The following MME variants were observed in gnomAD, a reference collection of about 807,000 sequenced individuals.
MME encodes membrane metalloendopeptidase, also known as neprilysin.
Under a neutral mutation model 113.2 loss-of-function variants are expected in MME, and 98 were observed. The ratio of observed to expected loss-of-function variants is 0.87; its 90% CI spans 0.74 to 1.02. MME has a LOEUF of 1.02. MME is among the 50% of genes least tolerant of loss of function. MME has a pLI of 0.00. For missense variants in MME, 836 were observed against 896.0 expected (o/e 0.93, Z 0.86); for synonymous variants, 292 against 300.6 (o/e 0.97, Z 0.30).
intron 10 of MME, 74 bp from the exon 11 acceptor site, chr3:155,141,917 T>C: frequency 6.5e-7 from 1 of 1,533,340 alleles, no homozygotes; most frequent in Non-Finnish European, 9.0e-7. Flanking sequence ...TCCAACCCTC[T>C]AACTATAACT....
rs1272482116 is a variant in MME at position 155,116,493 on chromosome 3, C to T, written c.373C>T (p.Pro125Ser). ...EVVLKDVLQE[P>S]KTEDIVAVQK... ...TCCTATTTCAGATGTCCTTCAAGAACCCAAAACTGAAGATATAGTAGCAGT... is the reference window on the plus strand; with the variant it reads ...TCCTATTTCAGATGTCCTTCAAGAATCCAAAACTGAAGATATAGTAGCAGT... The change falls in exon 5 of 23, where the codon CCC becomes TCC. Residue 125 changes from proline to serine, a missense_variant. Physicochemically the swap from Pro to Ser is moderately conservative, Grantham distance 74. Coordinates refer to ENST00000360490, the MANE Select transcript of MME (RefSeq NM_007289.4). The T allele has an allele frequency of 2.5e-6, 4 of 1,611,418 alleles. No individual in the cohort carries two copies. Among genetic ancestry groups the T allele is most frequent in the Non-Finnish European group, 8.5e-7 (1 of 1,178,020 alleles).
At chr3:155,170,727 C>G (rs540730031) in intron 20 of MME, among the ~76,000 whole-genome samples, 1 of 152,150 alleles carries the variant, frequency 6.6e-6, no homozygotes, top group South Asian at 2.1e-4. Context: ...TAGCTTTCTC[C>G]TCTTTAGTAA....
chr3:155,064,944 A>G (rs1219199801), intron 1 of MME, among the ~76,000 whole-genome samples: 1 of 152,130 alleles, frequency 6.6e-6, no homozygotes, highest in Non-Finnish European at 1.5e-5. Flanking sequence ...TCACATGGCC[A>G]TATTATCCCC....
chr3:155,054,004 AG>A (rs1713846950), intron 1 of MME, among the ~76,000 whole-genome samples: 1 of 152,192 alleles, frequency 6.6e-6, no homozygotes, highest in Non-Finnish European at 1.5e-5. Context: ...TGCGTGTCCC[AG>A]TGGTCCACAG....
chr3:155,116,852 T>A lies in MME; in HGVS notation c.536-16T>A, dbSNP rs762834247. On this transcript the variant is annotated splice_polypyrimidine_tract_variant and intron_variant, in intron 6 of 22. Transcript: ENST00000360490. Reference sequence around the variant, plus strand: ...CTAAAGCTTCTAAAGATATATTTTATCTTTTATTGCTTTAGGTGCTTCTTG... The same window carrying A: ...CTAAAGCTTCTAAAGATATATTTTAACTTTTATTGCTTTAGGTGCTTCTTG... 1 of 1,570,722 alleles carries A rather than the reference T, an allele frequency of 6.4e-7. No homozygotes were observed. The highest frequency in any genetic ancestry group is 8.8e-7 in the Non-Finnish European group (1 of 1,141,000).
At chr3:155,057,328 C>CA (rs1713966346) in intron 1 of MME, among the ~76,000 whole-genome samples, 1 of 151,624 alleles carries the variant, frequency 6.6e-6, no homozygotes, top group Non-Finnish European at 1.5e-5. Context: ...TTTATGCAGC[C>CA]AAAAAACACA....
chr3:155,129,239 G>A (rs1178657272), intron 8 of MME, among the ~76,000 whole-genome samples: 3 of 152,210 alleles, frequency 2.0e-5, no homozygotes, highest in East Asian at 1.9e-4. Flanking sequence ...ATGCCTCAGA[G>A]GCTGAGGATC....
At chr3:155,049,955 G>T (rs1713701191) in intron 1 of MME, among the ~76,000 whole-genome samples, 1 of 152,024 alleles carries the variant, frequency 6.6e-6, no homozygotes, top group Non-Finnish European at 1.5e-5. Context: ...GTACCCAAAA[G>T]GTATTTTTTC....
At chr3:155,073,760 A>G (rs543798529) in intron 1 of MME, among the ~76,000 whole-genome samples, 2 of 151,978 alleles carry the variant, frequency 1.3e-5, no homozygotes, top group East Asian at 3.9e-4. Flanking sequence ...TTTTTTAAGG[A>G]TATATCTATA....
chr3:155,054,627 G>A (rs895274868), intron 1 of MME, among the ~76,000 whole-genome samples: 1 of 152,134 alleles, frequency 6.6e-6, no homozygotes, highest in Non-Finnish European at 1.5e-5. Flanking sequence ...TCGAGGTCAG[G>A]AGGTCATGGC....
intron 3 of MME, among the ~76,000 whole-genome samples, chr3:155,111,128 G>T (rs1396607676): frequency 1.3e-5 from 2 of 152,210 alleles, no homozygotes; most frequent in Non-Finnish European, 2.9e-5. Context: ...TTTGACAGTT[G>T]TACGTCTGTT....
Position 155,143,626 on chromosome 3 carries a change from C to T in MME, c.1317+55C>T. 2.5e-6 allele frequency: 4 copies of T among 1,589,490 alleles called. No individual in the cohort carries two copies. The South Asian group carries it at 4.4e-5, about 18-fold the overall frequency. On this transcript the variant is annotated intron_variant, in intron 13 of 22. Coordinates refer to ENST00000360490, the MANE Select transcript of MME (RefSeq NM_007289.4). ...TTATACAGGACACTATCAGTTTGTT[C>T]ACACTGATGAGCAATTACAGTTCTC... is the stretch of plus-strand genomic sequence containing the variant.
At chr3:155,148,804 G>T in intron 16 of MME, 151 bp downstream of exon 16, 1 of 658,722 alleles carries the variant, frequency 1.5e-6, no homozygotes, top group East Asian at 2.7e-5. Flanking sequence ...ATCTAATTAT[G>T]GTATACTAAA....
intron 1 of MME, among the ~76,000 whole-genome samples, chr3:155,030,749 A>G (rs1712943701): frequency 6.6e-6 from 1 of 152,232 alleles, no homozygotes; most frequent in Non-Finnish European, 1.5e-5. Flanking sequence ...CTAGCTGCAA[A>G]TGGAATACAT....
chr3:155,157,224 C>T (rs1004135861), intron 16 of MME, among the ~76,000 whole-genome samples: 3 of 152,074 alleles, frequency 2.0e-5, no homozygotes, highest in Non-Finnish European at 4.4e-5. Context: ...AATAAGGTTT[C>T]TTCCTTCCTG....
chr3:155,057,694 T>TA (rs1262549985), intron 1 of MME, among the ~76,000 whole-genome samples: 5 of 151,770 alleles, frequency 3.3e-5, no homozygotes, highest in Non-Finnish European at 7.4e-5. Flanking sequence ...GCATTCATTT[T>TA]TTTTTTTTTT....
At chr3:155,077,341 A>G (rs1194710077), upstream of MME, among the ~76,000 whole-genome samples, 3 of 152,188 alleles carry the variant, frequency 2.0e-5, no homozygotes, top group African/African-American at 7.2e-5. Flanking sequence ...TAACTTATGT[A>G]TGGCCACCAG....
intron 8 of MME, 54 bp downstream of exon 8, chr3:155,118,865 C>T: frequency 1.8e-6 from 2 of 1,134,860 alleles, no homozygotes; most frequent in South Asian, 1.4e-5. Context: ...TGGTGTAAAC[C>T]TACAAGTAAT....
chr3:155,066,774 A>C (rs1714391782), intron 1 of MME, among the ~76,000 whole-genome samples: 1 of 152,216 alleles, frequency 6.6e-6, no homozygotes. Flanking sequence ...TCATCTGCTG[A>C]AAGCCTGAGA....
Sources: gnomAD v4.1 joint callset for allele counts (sites outside exome capture counted in the v4.1 genomes callset) on GRCh38, gnomAD v4.1.1 for gene constraint, MANE v1.5 for transcripts, NCBI Gene and HGNC (gene_info 2026-07-23, HGNC 2026-07-21) for gene names.